The following LINGO2 variants were observed in gnomAD, a reference collection of about 807,000 sequenced individuals.
LINGO2 encodes the protein leucine-rich repeat and immunoglobulin-like domain-containing nogo receptor-interacting protein 2.
LINGO2 carries 14 observed loss-of-function variants against 30.6 expected under a neutral mutation model. The observed-to-expected ratio is 0.46, with a 90% CI of 0.30 to 0.72. The LOEUF is 0.72. Among genes scored for constraint, LINGO2 ranks in the 30% least tolerant of loss-of-function variants. The probability of loss-of-function intolerance (pLI) is 0.07; values close to 1 mark genes in which losing one functional copy is unlikely to be tolerated. For synonymous variants in LINGO2, 317 were observed against 288.5 expected, an observed-to-expected ratio of 1.10 and a Z score of -1.00; for missense variants, 729 against 751.7, an observed-to-expected ratio of 0.97 and a Z score of 0.35.
chr9:28,486,893 C>T (rs188850421), intron 1 of LINGO2, among the ~76,000 whole-genome samples: 1 of 152,036 alleles, frequency 6.6e-6, no homozygotes, highest in Non-Finnish European at 1.5e-5. Flanking sequence ...TGCTTGCAGT[C>T]TCTCCATTAA....
the LINGO2 span, among the ~76,000 whole-genome samples, chr9:28,888,502 G>A: frequency 6.6e-6 from 1 of 152,040 alleles, no homozygotes; most frequent in African/African-American, 2.4e-5. Context: ...AAGAAAAAAA[G>A]TTTAAGGGAA....
At chr9:28,907,846 C>A in the LINGO2 span, among the ~76,000 whole-genome samples, 2 of 151,414 alleles carry the variant, frequency 1.3e-5, no homozygotes, top group Non-Finnish European at 3.0e-5. Flanking sequence ...AAATTGCATT[C>A]GAGATGACTG....
At chr9:28,265,403 T>A (rs1232251488) in intron 4 of LINGO2, among the ~76,000 whole-genome samples, 1 of 151,988 alleles carries the variant, frequency 6.6e-6, no homozygotes, top group Non-Finnish European at 1.5e-5. Flanking sequence ...ATACTGTGAA[T>A]GTAATACATG....
intron 4 of LINGO2, among the ~76,000 whole-genome samples, chr9:28,233,282 G>A (rs1214327420): frequency 6.6e-6 from 1 of 151,732 alleles, no homozygotes; most frequent in African/African-American, 2.4e-5. Context: ...ATGGGCTCCA[G>A]TGAGTTTGAG....
intron 2 of LINGO2, among the ~76,000 whole-genome samples, chr9:28,395,284 G>A (rs920216892): frequency 1.3e-5 from 2 of 151,834 alleles, no homozygotes; most frequent in African/African-American, 4.8e-5. Context: ...AACTCAAGTC[G>A]AAAAAAAATG....
At chr9:28,476,876 A>T (rs1450501175) in intron 1 of LINGO2, among the ~76,000 whole-genome samples, 1 of 152,236 alleles carries the variant, frequency 6.6e-6, no homozygotes, top group Non-Finnish European at 1.5e-5. Context: ...ATTTAAATCC[A>T]ATCAGTTAAA....
chr9:28,476,283 T>G (rs1041650773), intron 1 of LINGO2, among the ~76,000 whole-genome samples: 1 of 152,154 alleles, frequency 6.6e-6, no homozygotes, highest in African/African-American at 2.4e-5. Context: ...ATTTATTTAT[T>G]TATTTATTTT....
chr9:29,080,926 T>C, the LINGO2 span, among the ~76,000 whole-genome samples: 1 of 152,056 alleles, frequency 6.6e-6, no homozygotes, highest in Non-Finnish European at 1.5e-5. Context: ...TATATACTGT[T>C]GATTTGGGGT....
chr9:28,448,944 A>G (rs181177937), intron 2 of LINGO2, among the ~76,000 whole-genome samples: 31 of 152,088 alleles, frequency 2.0e-4, no homozygotes, highest in Non-Finnish European at 1.5e-5. Flanking sequence ...GATTGGTACC[A>G]CATAGTGAAG....
chr9:28,601,289 C>T (rs1171520578), intron 1 of LINGO2, among the ~76,000 whole-genome samples: 1 of 152,120 alleles, frequency 6.6e-6, no homozygotes, highest in Non-Finnish European at 1.5e-5. Flanking sequence ...CAAATGTGTA[C>T]TACATTATCA....
chr9:28,277,956 G>C (rs1273350983), intron 4 of LINGO2, among the ~76,000 whole-genome samples: 1 of 152,056 alleles, frequency 6.6e-6, no homozygotes, highest in Admixed American at 6.5e-5. Context: ...GCCAAGTTGT[G>C]AATGCAAATG....
chr9:28,882,921 C>G, the LINGO2 span, among the ~76,000 whole-genome samples: 4 of 152,312 alleles, frequency 2.6e-5, no homozygotes, highest in Non-Finnish European at 2.9e-5. Flanking sequence ...TGTAATTAGT[C>G]CCTTACATAC....
At chr9:28,238,304 T>C (rs1279446149) in intron 4 of LINGO2, among the ~76,000 whole-genome samples, 1 of 152,110 alleles carries the variant, frequency 6.6e-6, no homozygotes, top group Non-Finnish European at 1.5e-5. Flanking sequence ...ATGAACCTAA[T>C]AGATATATAC....
intron 4 of LINGO2, among the ~76,000 whole-genome samples, chr9:28,210,695 C>G (rs1820559229): frequency 6.6e-6 from 1 of 151,612 alleles, no homozygotes; most frequent in African/African-American, 2.4e-5. Flanking sequence ...AAGAAAGCCA[C>G]TAGGTGTAAA....
chr9:28,552,620 T>A (rs1343977456), intron 1 of LINGO2, among the ~76,000 whole-genome samples: 1 of 151,836 alleles, frequency 6.6e-6, no homozygotes, highest in African/African-American at 2.4e-5. Context: ...AGCATATGTC[T>A]TTCCATTCTG....
chr9:28,093,126 T>C (rs1455616892), intron 4 of LINGO2, among the ~76,000 whole-genome samples: 4 of 152,038 alleles, frequency 2.6e-5, no homozygotes, highest in Admixed American at 2.0e-4. Context: ...CTGGGTGCAA[T>C]GTGCGATGTT....
chr9:28,430,111 TGTGTGTG>T (rs1823599661), intron 2 of LINGO2, among the ~76,000 whole-genome samples: 1 of 33,258 alleles, frequency 3.0e-5, no homozygotes, highest in African/African-American at 7.9e-5. Flanking sequence ...CGCGCGCGCG[TGTGTGTG>T]TGTGTGTGTG....
At chr9:29,081,577 G>A in the LINGO2 span, among the ~76,000 whole-genome samples, 8 of 152,090 alleles carry the variant, frequency 5.3e-5, no homozygotes, top group Non-Finnish European at 1.2e-4. Context: ...GGAAGTTCTG[G>A]CTAGGGGAAT....
In LINGO2 at chr9:28,569,650, G is replaced by T. The variant is rs893575162; in HGVS notation, c.-364-93625C>A. Among the ~76,000 whole-genome samples, 6 of 151,162 alleles carry T rather than the reference G, an allele frequency of 4.0e-5. No individual in the cohort carries two copies. The South Asian group carries it at 1.3e-3, about 32-fold the overall frequency. On this transcript the variant is annotated intron_variant, in intron 1 of 5. Transcript: ENST00000379992. ...GGGGTAGAACAAATGGGGGGATATTGGTCAAAGGGTACAAACTTTCAGTTA... is the reference window on the plus strand; with the variant it reads ...GGGGTAGAACAAATGGGGGGATATTTGTCAAAGGGTACAAACTTTCAGTTA...
Sources: allele counts gnomAD v4.1 joint callset (sites outside exome capture counted in the v4.1 genomes callset), GRCh38; gene constraint gnomAD v4.1.1; transcripts MANE v1.5; gene names NCBI Gene and HGNC (gene_info 2026-07-23, HGNC 2026-07-21).